ST6GALNAC3: variants seen among roughly 807,000 people sequenced by gnomAD.
The protein encoded by ST6GALNAC3 is ST6 N-acetylgalactosaminide alpha-2,6-sialyltransferase 3.
ST6GALNAC3 carries 25 observed loss-of-function variants against 32.7 expected under a neutral mutation model. The ratio of observed to expected loss-of-function variants is 0.76; its 90% CI spans 0.56 to 1.07. The LOEUF (loss-of-function observed/expected upper bound fraction) is 1.07. Among genes scored for constraint, ST6GALNAC3 ranks in the 50% least tolerant of loss-of-function variants. ST6GALNAC3 has a pLI of 0.00. For missense variants in ST6GALNAC3, 355 were observed against 382.4 expected (o/e 0.93, Z 0.60); for synonymous variants, 129 against 133.1 (o/e 0.97, Z 0.21).
chr1:76,097,346 TG>T (rs1206061326), intron 1 of ST6GALNAC3, among the ~76,000 whole-genome samples: 11 of 152,188 alleles, frequency 7.2e-5, no homozygotes, highest in Non-Finnish European at 1.5e-4. Context: ...GATTAAATCA[TG>T]GGGGTGGTTA....
intron 1 of ST6GALNAC3, among the ~76,000 whole-genome samples, chr1:76,287,433 A>AT: frequency 7.6e-6 from 1 of 130,742 alleles, no homozygotes; most frequent in South Asian, 2.4e-4. Context: ...TGAGTGTGGG[A>AT]TGGTGCACAA....
intron 2 of ST6GALNAC3, among the ~76,000 whole-genome samples, chr1:76,379,384 C>A (rs1249814247): frequency 1.3e-5 from 2 of 152,140 alleles, no homozygotes; most frequent in Non-Finnish European, 2.9e-5. Context: ...GAATTTTAGT[C>A]CCAGGTTAGA....
In ST6GALNAC3 at chr1:76,509,080, A is replaced by G. The variant is rs1352810058; in HGVS notation, c.623+96663A>G. Among the ~76,000 whole-genome samples, 4 of 152,230 alleles carry G rather than the reference A, an allele frequency of 2.6e-5. No individual in the cohort carries two copies. The highest frequency in any genetic ancestry group is 5.9e-5 in the Non-Finnish European group (4 of 68,026). The stretch of plus-strand genomic sequence containing the variant: ...TTTTTCAACTCGTCGATAAATGGGA[A>G]TGGAATTATTTATTCTGGAAACACC... On this transcript the variant is annotated intron_variant, in intron 3 of 4. Transcript: ENST00000328299. This position sits in a 1 kb window ranked among gnomAD's most constrained non-coding sequence, Gnocchi z 5.5.
chr1:76,166,877 G>A (rs1285523394), intron 1 of ST6GALNAC3, among the ~76,000 whole-genome samples: 3 of 152,172 alleles, frequency 2.0e-5, no homozygotes, highest in Non-Finnish European at 4.4e-5. Context: ...TGCTGAAGTT[G>A]TTTATCAGCT....
chr1:76,210,300 G>A (rs1401159522), intron 1 of ST6GALNAC3, among the ~76,000 whole-genome samples: 1 of 152,136 alleles, frequency 6.6e-6, no homozygotes, highest in Non-Finnish European at 1.5e-5. Flanking sequence ...AGACCTTTAT[G>A]TACCTTAGTT....
chr1:76,098,190 C>T (rs1015478154), intron 1 of ST6GALNAC3, among the ~76,000 whole-genome samples: 12 of 152,038 alleles, frequency 7.9e-5, no homozygotes, highest in African/African-American at 1.7e-4. Flanking sequence ...TTTCTATGGA[C>T]GGGAAGAATT....
chr1:76,215,537 G>A (rs10782606), intron 1 of ST6GALNAC3, among the ~76,000 whole-genome samples: 102,941 of 152,016 alleles, frequency 0.68, 37,878 homozygotes, highest in East Asian at 0.93. Context: ...CACTGGTTTA[G>A]GCTGAGGGAG....
At chr1:76,464,101 T>G (rs947778810) in intron 3 of ST6GALNAC3, among the ~76,000 whole-genome samples, 10 of 152,096 alleles carry the variant, frequency 6.6e-5, no homozygotes, top group Admixed American at 5.9e-4. Context: ...TGCTATACCC[T>G]CACCACAAAC....
At chr1:76,207,518 G>A (rs571319778) in intron 1 of ST6GALNAC3, among the ~76,000 whole-genome samples, 3 of 152,206 alleles carry the variant, frequency 2.0e-5, no homozygotes, top group Admixed American at 6.5e-5. Context: ...TAAAAGCATG[G>A]CACTGGCATC....
At chr1:76,317,464 A>G (rs1646886614) in intron 2 of ST6GALNAC3, among the ~76,000 whole-genome samples, 1 of 152,118 alleles carries the variant, frequency 6.6e-6, no homozygotes, top group Non-Finnish European at 1.5e-5. Context: ...ATCACACACT[A>G]AGTCCCTATT....
At chr1:76,256,884 A>T (rs372286676) in intron 1 of ST6GALNAC3, among the ~76,000 whole-genome samples, 1 of 152,284 alleles carries the variant, frequency 6.6e-6, no homozygotes, top group East Asian at 1.9e-4. Context: ...AGGCATTCTC[A>T]GTACTTTGGA....
In ST6GALNAC3 at chr1:76,318,761, T is replaced by C. The variant is rs147655328; in HGVS notation, c.213+4762T>C. On this transcript the variant is annotated intron_variant, in intron 2 of 4. Coordinates refer to ENST00000328299, the MANE Select transcript of ST6GALNAC3 (RefSeq NM_152996.4). ...AAAAACAGAAACGTGCTTCACAATA[T>C]CCTAAAACCCTATTTTCCCCTTGAA... is the stretch of plus-strand genomic sequence containing the variant. 2.2e-3 allele frequency among the ~76,000 whole-genome samples: 334 copies of C among 152,256 alleles called. 1 individual carries two copies. Among genetic ancestry groups the C allele is most frequent in the Admixed American group, 3.7e-3 (56 of 15,284 alleles).
intron 2 of ST6GALNAC3, among the ~76,000 whole-genome samples, chr1:76,393,151 A>T (rs1652693278): frequency 6.6e-6 from 1 of 152,218 alleles, no homozygotes; most frequent in African/African-American, 2.4e-5. Flanking sequence ...TTTCTTTTTC[A>T]AATGTTTTAA....
intron 1 of ST6GALNAC3, among the ~76,000 whole-genome samples, chr1:76,292,527 C>T (rs546643123): frequency 2.6e-4 from 39 of 152,102 alleles, no homozygotes; most frequent in Non-Finnish European, 4.9e-4. Context: ...TGTATAAGTA[C>T]CAGTAAGTAA....
chr1:76,422,044 T>C (rs1322684171), intron 3 of ST6GALNAC3, among the ~76,000 whole-genome samples: 1 of 151,974 alleles, frequency 6.6e-6, no homozygotes, highest in Non-Finnish European at 1.5e-5. Context: ...ACATTCTATA[T>C]AATATACTTA....
chr1:76,254,187 C>T (rs547716990), intron 1 of ST6GALNAC3, among the ~76,000 whole-genome samples: 5 of 152,140 alleles, frequency 3.3e-5, no homozygotes, highest in African/African-American at 7.2e-5. Flanking sequence ...ATTTAGCACG[C>T]GATTTTCCTC....
intron 1 of ST6GALNAC3, among the ~76,000 whole-genome samples, chr1:76,307,138 A>G (rs1165711737): frequency 2.0e-5 from 3 of 152,108 alleles, no homozygotes; most frequent in African/African-American, 7.2e-5. Context: ...GATAGACACA[A>G]ATAAATTTCA....
At chr1:76,626,094 A>AAGCAGC (rs1033655592) in intron 3 of ST6GALNAC3, among the ~76,000 whole-genome samples, 5 of 151,866 alleles carry the variant, frequency 3.3e-5, no homozygotes, top group African/African-American at 1.2e-4. Context: ...TGTTAAAAAG[A>AAGCAGC]AGCAGCAGCA....
intron 1 of ST6GALNAC3, among the ~76,000 whole-genome samples, chr1:76,076,282 C>T (rs1428430795): frequency 6.6e-6 from 1 of 152,214 alleles, no homozygotes; most frequent in African/African-American, 2.4e-5. Context: ...TTCTCCCCTG[C>T]CTTGTCCTAT....
Sources: gnomAD v4.1 joint callset for allele counts (sites outside exome capture counted in the v4.1 genomes callset) on GRCh38, gnomAD v4.1.1 for gene constraint, Gnocchi (gnomAD v3.1) non-coding constraint, MANE v1.5 for transcripts, NCBI Gene and HGNC (gene_info 2026-07-23, HGNC 2026-07-21) for gene names.